The following MLLT3 variants were observed in gnomAD, a reference collection of about 807,000 sequenced individuals.
The protein encoded by MLLT3 is MLLT3 super elongation complex subunit.
In MLLT3, 4 loss-of-function variants were observed where a neutral mutation model predicts 53.2. The observed-to-expected ratio is 0.08, with a 90% CI of 0.04 to 0.17. The LOEUF (loss-of-function observed/expected upper bound fraction) is 0.17. Among genes scored for constraint, MLLT3 ranks in the 10% least tolerant of loss-of-function variants. MLLT3 has a pLI of 1.00. For missense variants in MLLT3, 569 were observed against 684.0 expected (o/e 0.83, Z 1.87); for synonymous variants, 283 against 230.6 (o/e 1.23, Z -2.06).
intron 2 of MLLT3, among the ~76,000 whole-genome samples, chr9:20,470,569 C>G (rs1824365077): frequency 1.3e-5 from 2 of 151,976 alleles, no homozygotes; most frequent in South Asian, 2.1e-4. Context: ...GAAAGACTAC[C>G]AAGAAACTGA....
At chr9:20,395,186 C>G (rs1479716228) in intron 5 of MLLT3, among the ~76,000 whole-genome samples, 1 of 152,198 alleles carries the variant, frequency 6.6e-6, no homozygotes, top group Non-Finnish European at 1.5e-5. Flanking sequence ...CCTGCTGAAA[C>G]AAACCTGACA....
intron 2 of MLLT3, among the ~76,000 whole-genome samples, chr9:20,474,431 AT>A (rs998654273): frequency 2.0e-5 from 3 of 152,056 alleles, no homozygotes; most frequent in African/African-American, 7.2e-5. Context: ...TGTGAAGCCA[AT>A]TACTCTCAAG....
intron 2 of MLLT3, among the ~76,000 whole-genome samples, chr9:20,460,732 CT>C (rs1787192044): frequency 6.6e-6 from 1 of 152,232 alleles, no homozygotes; most frequent in African/African-American, 2.4e-5. Context: ...CTACCCTTCA[CT>C]GATTTACCAC....
At chr9:20,444,491 TATA>T (rs1823640665) in intron 4 of MLLT3, among the ~76,000 whole-genome samples, 1 of 152,114 alleles carries the variant, frequency 6.6e-6, no homozygotes, top group East Asian at 1.9e-4. Context: ...CAAAAATTTA[TATA>T]ATAAATATGA....
intron 4 of MLLT3, among the ~76,000 whole-genome samples, chr9:20,443,457 C>A (rs1823605298): frequency 6.6e-6 from 1 of 152,114 alleles, no homozygotes; most frequent in South Asian, 2.1e-4. Context: ...AAAGTTACAT[C>A]TTACAAAATA....
chr9:20,461,314 A>G (rs1352835531), intron 2 of MLLT3, among the ~76,000 whole-genome samples: 1 of 152,218 alleles, frequency 6.6e-6, no homozygotes, highest in African/African-American at 2.4e-5. Context: ...TTGACCAATA[A>G]CCTATTTAAT....
Position 20,342,853 on chromosome 9 carries a change from T to A in MLLT3, c.*3590A>T, listed in dbSNP as rs1820770879. The stretch of plus-strand genomic sequence containing the variant: ...ATATGTGTATATATATATATATATG[T>A]ATATATAAATATAGGAGCAGTACAT... On this transcript the variant is annotated 3_prime_UTR_variant, in exon 11 of 11. Coordinates refer to ENST00000380338, the MANE Select transcript of MLLT3 (RefSeq NM_004529.4). 5.7e-6 allele frequency: 1 copy of A among 174,392 alleles called. No individual in the cohort carries two copies. The allele number at this position is 174,392 out of a possible 1,614,324, so 10.8% of individuals were successfully genotyped here. A position where few individuals can be genotyped will look rare whatever the true frequency, so the allele number is the denominator to read the frequency against.
intron 4 of MLLT3, among the ~76,000 whole-genome samples, chr9:20,424,732 T>A (rs1823100380): frequency 6.6e-6 from 1 of 152,174 alleles, no homozygotes; most frequent in Admixed American, 6.5e-5. Context: ...ATTCACTGAT[T>A]TTCAACTTTT....
At chr9:20,616,290 C>T (rs1343756120) in intron 2 of MLLT3, among the ~76,000 whole-genome samples, 1 of 152,092 alleles carries the variant, frequency 6.6e-6, no homozygotes, top group Non-Finnish European at 1.5e-5. Flanking sequence ...TCTGTAATTC[C>T]TAACCCTAAA....
chr9:20,346,940 T>A (rs1005784890), intron 10 of MLLT3, among the ~76,000 whole-genome samples: 1 of 151,926 alleles, frequency 6.6e-6, no homozygotes, highest in African/African-American at 2.4e-5. Context: ...TTAATAGACA[T>A]AAGAAAAATC....
chr9:20,365,597 G>A (rs758314159), intron 6 of MLLT3, 72 bp downstream of exon 6: 321 of 1,546,994 alleles, frequency 2.1e-4, no homozygotes, highest in Non-Finnish European at 2.6e-4. Flanking sequence ...ATCCACCCGT[G>A]TCAGCCTCCC....
At chr9:20,500,235 G>A (rs1007409034) in intron 2 of MLLT3, among the ~76,000 whole-genome samples, 8 of 152,116 alleles carry the variant, frequency 5.3e-5, no homozygotes, top group Non-Finnish European at 1.0e-4. Flanking sequence ...AGGTCTGGCT[G>A]CTTAATACAG....
At chr9:20,433,052 C>T (rs1464114876) in intron 4 of MLLT3, among the ~76,000 whole-genome samples, 2 of 151,898 alleles carry the variant, frequency 1.3e-5, no homozygotes, top group African/African-American at 4.8e-5. Flanking sequence ...TGCCTTTTTG[C>T]CCCCTTAACA....
At chr9:20,433,307 A>C (rs1823323178) in intron 4 of MLLT3, among the ~76,000 whole-genome samples, 1 of 152,222 alleles carries the variant, frequency 6.6e-6, no homozygotes, top group Non-Finnish European at 1.5e-5. Flanking sequence ...CCAAGTCAGG[A>C]AAATTAAATT....
Position 20,434,411 on chromosome 9 carries a change from A to G in MLLT3, c.420+13712T>C, listed in dbSNP as rs928054870. 2.0e-5 allele frequency among the ~76,000 whole-genome samples: 3 copies of G among 152,300 alleles called. No homozygotes were observed. The South Asian group carries it at 6.2e-4, about 32-fold the overall frequency. On this transcript the variant is annotated intron_variant, in intron 4 of 10. Transcript: ENST00000380338. ...GATTATTTCCAATTTTTTTTAAATT[A>G]TAAAGTAAGTAAATAGTATTTGGGG... is the stretch of plus-strand genomic sequence containing the variant.
intron 2 of MLLT3, among the ~76,000 whole-genome samples, chr9:20,541,750 T>C (rs1818636830): frequency 2.0e-5 from 3 of 152,212 alleles, no homozygotes. Flanking sequence ...CTTTTGTTGT[T>C]CATCCATTAG....
intron 2 of MLLT3, among the ~76,000 whole-genome samples, chr9:20,522,339 T>G (rs916004409): frequency 2.6e-5 from 4 of 151,540 alleles, no homozygotes; most frequent in African/African-American, 9.7e-5. Context: ...TGTATTTAAA[T>G]GATAAATTGG....
intron 7 of MLLT3, 68 bp from the exon 8 acceptor site, chr9:20,360,909 A>T: frequency 2.2e-6 from 3 of 1,353,048 alleles, no homozygotes; most frequent in Non-Finnish European, 2.1e-6. Context: ...CCATAGAAAT[A>T]GGCGTGGAAA....
At chr9:20,531,933 A>G (rs563938478) in intron 2 of MLLT3, among the ~76,000 whole-genome samples, 1 of 152,044 alleles carries the variant, frequency 6.6e-6, no homozygotes, top group East Asian at 1.9e-4. Context: ...GGAAAAGCTA[A>G]AAATTTTCAT....
Sources: allele counts gnomAD v4.1 joint callset (sites outside exome capture counted in the v4.1 genomes callset), GRCh38; gene constraint gnomAD v4.1.1; transcripts MANE v1.5; gene names NCBI Gene and HGNC (gene_info 2026-07-23, HGNC 2026-07-21).